Variants in IL32 observed in about 807,000 individuals in gnomAD.
The protein encoded by IL32 is interleukin 32.
Under a neutral mutation model 16.6 loss-of-function variants are expected in IL32, and 30 were observed. The observed-to-expected ratio is 1.81, with a 90% CI of 1.35 to 2.45. IL32 has a LOEUF of 2.45. IL32 is among the 30% of genes most tolerant of loss of function. The pLI, the probability that IL32 is intolerant of heterozygous loss-of-function variation, is 0.00. For missense variants in IL32, 234 were observed against 229.8 expected, an observed-to-expected ratio of 1.02 and a Z score of -0.12; for synonymous variants, 70 against 86.1, an observed-to-expected ratio of 0.81 and a Z score of 1.03.
Position 3,069,473 on chromosome 16 carries a change from C to G in IL32, c.*118C>G. ...CAGTCCCCCTGCCTGGCGTTCCTGC[C>G]GCAGCTCTGACCTGGTGCTGTCGCC... On this transcript the variant is annotated 3_prime_UTR_variant, in exon 7 of 7. Coordinates refer to ENST00000525643, the MANE Select transcript of IL32 (RefSeq NM_001376923.1). The G allele has an allele frequency of 3.2e-6, 4 of 1,258,916 alleles. No individual in the cohort carries two copies. Among genetic ancestry groups the G allele is most frequent in the Non-Finnish European group, 4.4e-6 (4 of 907,958 alleles). 78.0% of individuals were successfully genotyped at this position (1,258,916 alleles called of 1,614,324 possible).
chr16:3,069,035 C>G lies in IL32; in HGVS notation c.247C>G (p.Arg83Gly). The G allele has an allele frequency of 6.2e-7, 1 of 1,604,028 alleles. No homozygotes were observed. Among genetic ancestry groups the G allele is most frequent in the Non-Finnish European group, 8.5e-7 (1 of 1,173,978 alleles). ...LEKERDGLRC[R>G]GNRSPVPDVE... ...AAAAGAAAGAGATGGATTACGGTGC[C>G]GAGGCAACAGATCCCCTGTCCCGGA... is the stretch of plus-strand genomic sequence containing the variant. Residue 83 changes from arginine (R) to glycine (G), a missense_variant, in exon 7 of 7, where the codon CGA becomes GGA. Arg to Gly is a moderately radical substitution (Grantham distance 125). This residue lies in a region of IL32 where 44 missense variants were observed against 103.1 expected (regional missense o/e 0.43). Coordinates refer to ENST00000525643, the MANE Select transcript of IL32 (RefSeq NM_001376923.1).
chr16:3,068,640 G>C, intron 6 of IL32: 1 of 422,078 alleles, frequency 2.4e-6, no homozygotes, highest in South Asian at 2.2e-5. Flanking sequence ...TGTGGTGTGG[G>C]CAGGGTGTGC....
In IL32 at chr16:3,069,417, C is replaced by G. The variant is rs1370202221; in HGVS notation, c.*62C>G. ...GCACCCACCCTGACCCCTCCCTCAG[C>G]TGTCCTGTGCCCCGCCCTCTCCCGC... On this transcript the variant is annotated 3_prime_UTR_variant, in exon 7 of 7. Coordinates refer to ENST00000525643, the MANE Select transcript of IL32 (RefSeq NM_001376923.1). The G allele has an allele frequency of 4.6e-6, 7 of 1,523,594 alleles. No homozygotes were observed. The highest frequency in any genetic ancestry group is 2.1e-4 in the Middle Eastern group (1 of 4,810). The allele number at this position is 1,523,594 out of a possible 1,614,324, so 94.4% of individuals were successfully genotyped here.
At position 3,068,200 on chromosome 16, in the gene IL32, C is replaced by G. The variant is rs151244938; in HGVS notation, c.162C>G (p.Tyr54Ter). ...AELEDDFKEG[Y>*]LETVAAYYEE... ...CCCAGGACGACTTCAAAGAGGGCTA[C>G]CTGGAGACAGTGGCGGCTTATTATG... Residue 54 changes from tyrosine (Y) to a stop codon, truncating the protein, a stop_gained, in exon 6 of 7, where the codon TAC becomes TAG. Coordinates refer to ENST00000525643, the MANE Select transcript of IL32 (RefSeq NM_001376923.1). LOFTEE classifies it low-confidence loss of function (END_TRUNC). 8.6e-5 allele frequency: 138 copies of G among 1,604,078 alleles called. No individual in the cohort carries two copies. Among genetic ancestry groups the G allele is most frequent in the Non-Finnish European group, 1.2e-4 (137 of 1,175,130 alleles).
In IL32 at chr16:3,069,371, C is replaced by T. The variant is rs767112161; in HGVS notation, c.*16C>T. ...CTCAAAATGAAGATACTGACACCAC[C>T]TTTGCCCTCCCCGTCACCGCGCACC... On this transcript the variant is annotated 3_prime_UTR_variant, in exon 7 of 7. Coordinates refer to ENST00000525643, the MANE Select transcript of IL32 (RefSeq NM_001376923.1). 6.4e-7 allele frequency: 1 copy of T among 1,567,402 alleles called. No individual in the cohort carries two copies. The highest frequency in any genetic ancestry group is 1.2e-5 in the South Asian group (1 of 82,998).
intron 4 of IL32, 131 bp from the exon 5 acceptor site, chr16:3,067,853 A>G: frequency 9.1e-7 from 1 of 1,093,920 alleles, no homozygotes; most frequent in Non-Finnish European, 1.4e-6. Flanking sequence ...GGGGTGCCAG[A>G]CGTGGCCCGG....
rs112783015 is a variant in IL32, at chr16:3,068,802, T to C, written c.202-188T>C. ...AGACACACCCATCCTGTCACTGCCA[T>C]GGAGGTGAATGCAGAGGAGGGGGAC... On this transcript the variant is annotated intron_variant, in intron 6 of 6. Transcript: ENST00000525643. The C allele has an allele frequency of 1.3e-5, 12 of 892,794 alleles. 1 individual carries two copies. In the African/African-American group the frequency reaches 1.5e-4, roughly 11 times the overall value. 55.3% of individuals were successfully genotyped at this position (892,794 alleles called of 1,614,324 possible). A position where few individuals can be genotyped will look rare whatever the true frequency, so the allele number is the denominator to read the frequency against.
chr16:3,065,414 C>A (rs113794883), upstream of IL32: 152 of 275,760 alleles, frequency 5.5e-4, no homozygotes, highest in African/African-American at 3.2e-3. Context: ...GAGACTCCCA[C>A]CCCAGCTCAG....
chr16:3,068,176 C>T lies in IL32; in HGVS notation c.142-4C>T. ...ATGAACCCCCTGTGCCCTCCTCTCC[C>T]CAGGACGACTTCAAAGAGGGCTACC... is the stretch of plus-strand genomic sequence containing the variant. On this transcript the variant is annotated splice_polypyrimidine_tract_variant and splice_region_variant and intron_variant, in intron 5 of 6. Transcript: ENST00000525643. 6.2e-7 allele frequency: 1 copy of T among 1,604,022 alleles called. No homozygotes were observed. Among genetic ancestry groups the T allele is most frequent in the Non-Finnish European group, 8.5e-7 (1 of 1,175,110 alleles).
In IL32 at chr16:3,069,312, A is replaced by G. The variant is rs150738098; in HGVS notation, c.524A>G (p.Glu175Gly). 1.1e-4 allele frequency: 180 copies of G among 1,612,816 alleles called. No individual in the cohort carries two copies. Among genetic ancestry groups the G allele is most frequent in the Non-Finnish European group, 1.5e-4 (173 of 1,179,526 alleles). The change falls in exon 7 of 7, where the codon GAG becomes GGG. Residue 175 changes from glutamate to glycine, a missense_variant. Physicochemically the swap from Glu to Gly is moderately conservative, Grantham distance 98 (BLOSUM62 -2). Around this residue, in one of 3 missense-constraint regions of IL32, gnomAD observed 53 missense variants for 46.1 expected, o/e 1.15. Coordinates refer to ENST00000525643, the MANE Select transcript of IL32 (RefSeq NM_001376923.1). The stretch of plus-strand genomic sequence containing the variant: ...GGAGCCCCACGGGGGGACAAGGAGG[A>G]GCTGACACCCCAGAAGTGCTCTGAA... ...SYGAPRGDKE[E>G]LTPQKCSEPQ...
At position 3,068,166 on chromosome 16, in the gene IL32, C is replaced by T; in HGVS notation, c.142-14C>T. ...CAGGAGCAGCATGAACCCCCTGTGC[C>T]CTCCTCTCCCCAGGACGACTTCAAA... On this transcript the variant is annotated splice_polypyrimidine_tract_variant and intron_variant, in intron 5 of 6. Coordinates refer to ENST00000525643, the MANE Select transcript of IL32 (RefSeq NM_001376923.1). 6.2e-7 allele frequency: 1 copy of T among 1,603,754 alleles called. No homozygotes were observed. The highest frequency in any genetic ancestry group is 8.5e-7 in the Non-Finnish European group (1 of 1,174,952).
At chr16:3,068,943 G>A (rs751706652) in intron 6 of IL32, 47 bp from the exon 7 acceptor site, 42 of 1,600,840 alleles carry the variant, frequency 2.6e-5, no homozygotes, top group Non-Finnish European at 3.1e-5. Context: ...AGGGCCTGGG[G>A]CTGACACCCC....
chr16:3,067,852 G>A (rs890692869), intron 4 of IL32, 132 bp from the exon 5 acceptor site: 121 of 1,093,100 alleles, frequency 1.1e-4, no homozygotes, highest in Non-Finnish European at 1.5e-4. Context: ...AGGGGTGCCA[G>A]ACGTGGCCCG....
At position 3,068,808 on chromosome 16, in the gene IL32, T is replaced by G. The variant is rs113198918; in HGVS notation, c.202-182T>G. On this transcript the variant is annotated intron_variant, in intron 6 of 6. Transcript: ENST00000525643. The stretch of plus-strand genomic sequence containing the variant: ...ACCCATCCTGTCACTGCCATGGAGG[T>G]GAATGCAGAGGAGGGGGACTCTGGG... 536 of 939,702 alleles carry G rather than the reference T, an allele frequency of 5.7e-4. 5 individuals are homozygous for G. In the African/African-American group the frequency reaches 7.7e-3, roughly 14 times the overall value. 58.2% of individuals were successfully genotyped at this position (939,702 alleles called of 1,614,324 possible).
chr16:3,067,207 T>G (rs1162128172), intron 2 of IL32, among the ~76,000 whole-genome samples, 170 bp from the exon 3 acceptor site: 1 of 151,796 alleles, frequency 6.6e-6, no homozygotes, highest in South Asian at 2.1e-4. Flanking sequence ...GGCCGGTCTT[T>G]CCAGGCTGTG....
chr16:3,067,772 G>T (rs921424459), intron 4 of IL32, 159 bp downstream of exon 4: 20 of 820,952 alleles, frequency 2.4e-5, no homozygotes, highest in Non-Finnish European at 4.0e-5. Flanking sequence ...TGAGTGGGCG[G>T]GTGGGGGATC....
In IL32 at chr16:3,067,910, C is replaced by A. The variant is rs191418775; in HGVS notation, c.115-74C>A. On this transcript the variant is annotated intron_variant, in intron 4 of 6. Transcript: ENST00000525643. ...GGGGTGTGTGGGAGCTGAGGACTCA[C>A]TGGGCTTGAGGACTGACTGATGTGG... 6,156 of 1,554,090 alleles carry A rather than the reference C, an allele frequency of 4.0e-3. 17 individuals carry two copies. The highest frequency in any genetic ancestry group is 5.1e-3 in the African/African-American group (378 of 73,780).
chr16:3,067,724 C>G, intron 4 of IL32, 111 bp downstream of exon 4: 1 of 945,528 alleles, frequency 1.1e-6, no homozygotes, highest in South Asian at 1.4e-5. Flanking sequence ...GGCTCCCTCA[C>G]CCCTTACCGT....
intron 6 of IL32, chr16:3,068,569 C>T: frequency 2.4e-6 from 1 of 416,940 alleles, no homozygotes; most frequent in South Asian, 2.2e-5. Context: ...CCTTGGCCTC[C>T]CAAAGTGCTG....
Sources: gnomAD v4.1 joint callset for allele counts (sites outside exome capture counted in the v4.1 genomes callset) on GRCh38, gnomAD v4.1.1 for gene constraint, gnomAD v4.1.1 regional missense constraint, MANE v1.5 for transcripts, NCBI Gene and HGNC (gene_info 2026-07-23, HGNC 2026-07-21) for gene names.